The following TNPO1 variants were observed in gnomAD, a reference collection of about 807,000 sequenced individuals.
The protein encoded by TNPO1 is transportin-1.
TNPO1 carries 8 observed loss-of-function variants against 119.5 expected under a neutral mutation model. The ratio of observed to expected loss-of-function variants is 0.07; its 90% CI spans 0.04 to 0.12. The LOEUF (loss-of-function observed/expected upper bound fraction) is 0.12, where lower values mean the gene tolerates loss of function less well. Ranked by LOEUF, TNPO1 falls within the 10% of genes least tolerant of loss-of-function variation. The probability of loss-of-function intolerance (pLI) is 1.00; values close to 1 mark genes in which losing one functional copy is unlikely to be tolerated. For synonymous variants in TNPO1, 362 were observed against 363.0 expected (o/e 1.00, Z 0.03); for missense variants, 576 against 1,089.8 (o/e 0.53, Z 6.64).
intron 2 of TNPO1, among the ~76,000 whole-genome samples, chr5:72,849,412 G>A (rs1745383375): frequency 1.3e-5 from 2 of 152,190 alleles, no homozygotes; most frequent in Non-Finnish European, 1.5e-5. Context: ...AGTTAGTTAA[G>A]TCTACTATTT....
At chr5:72,816,786 C>T (rs188424030) in intron 1 of TNPO1, 34 bp downstream of exon 1, 3 of 1,573,928 alleles carry the variant, frequency 1.9e-6, no homozygotes, top group Non-Finnish European at 2.6e-6. Context: ...CCCCGAACTG[C>T]AGGGGCGGGA....
intron 4 of TNPO1, among the ~76,000 whole-genome samples, chr5:72,858,595 T>C (rs1166416330): frequency 6.6e-6 from 1 of 152,158 alleles, no homozygotes; most frequent in African/African-American, 2.4e-5. Context: ...CCCAGCACTT[T>C]GGGAGGCCAA....
At chr5:72,886,110 T>A (rs1358922994) in intron 11 of TNPO1, among the ~76,000 whole-genome samples, 5 of 152,238 alleles carry the variant, frequency 3.3e-5, no homozygotes, top group Non-Finnish European at 7.3e-5. Flanking sequence ...AGGTTTCTAA[T>A]ACATGAACTT....
chr5:72,907,160 T>C (rs1750232141), intron 24 of TNPO1, among the ~76,000 whole-genome samples: 1 of 152,128 alleles, frequency 6.6e-6, no homozygotes, highest in African/African-American at 2.4e-5. Flanking sequence ...TCAAGAGCTG[T>C]TTTCCAAAAT....
chr5:72,878,905 T>C, intron 9 of TNPO1: 1 of 513,034 alleles, frequency 1.9e-6, no homozygotes, highest in South Asian at 1.5e-5. Flanking sequence ...TCAGATTTTG[T>C]GTCCAATGGT....
At chr5:72,869,096 A>T (rs1747175281) in intron 6 of TNPO1, among the ~76,000 whole-genome samples, 1 of 152,180 alleles carries the variant, frequency 6.6e-6, no homozygotes, top group African/African-American at 2.4e-5. Context: ...ATATTAAGAT[A>T]ATTTTTCCGT....
At chr5:72,859,552 A>G (rs557121822) in intron 4 of TNPO1, among the ~76,000 whole-genome samples, 1 of 152,338 alleles carries the variant, frequency 6.6e-6, no homozygotes, top group South Asian at 2.1e-4. Context: ...ATTAACCTTA[A>G]CAATACATGT....
intron 2 of TNPO1, 78 bp from the exon 3 acceptor site, chr5:72,851,166 C>A: frequency 1.1e-6 from 1 of 890,934 alleles, no homozygotes; most frequent in African/African-American, 1.7e-5. Context: ...CAAAGAGATC[C>A]TTGATTTTTA....
intron 7 of TNPO1, among the ~76,000 whole-genome samples, chr5:72,875,021 T>A (rs949451839): frequency 1.3e-5 from 2 of 152,216 alleles, no homozygotes; most frequent in African/African-American, 4.8e-5. Context: ...GTTACTTAAC[T>A]TCTATTAATT....
chr5:72,913,905 T>C lies in TNPO1; in HGVS notation c.*5232T>C, dbSNP rs1349708649. 1.3e-5 allele frequency: 2 copies of C among 152,596 alleles called. No homozygotes were observed. The highest frequency in any genetic ancestry group is 2.9e-5 in the Non-Finnish European group (2 of 67,988). 9.5% of individuals were successfully genotyped at this position (152,596 alleles called of 1,614,324 possible). A position where few individuals can be genotyped will look rare whatever the true frequency, so the allele number is the denominator to read the frequency against. On this transcript the variant is annotated 3_prime_UTR_variant, in exon 25 of 25. Transcript: ENST00000337273. The stretch of plus-strand genomic sequence containing the variant: ...TAGATTATCATCTTGTGAGAAGAGA[T>C]GTTTAAACGTGGTAAATCACTTCAT...
intron 3 of TNPO1, among the ~76,000 whole-genome samples, chr5:72,853,137 G>A (rs1265446447): frequency 2.0e-5 from 3 of 152,196 alleles, no homozygotes; most frequent in Non-Finnish European, 4.4e-5. Flanking sequence ...GCCAGGCAAG[G>A]TGGCTCTTTC....
chr5:72,833,991 C>T (rs913729416), intron 1 of TNPO1, among the ~76,000 whole-genome samples: 1 of 152,128 alleles, frequency 6.6e-6, no homozygotes, highest in Admixed American at 6.6e-5. Context: ...ATATGAGGTG[C>T]ACCCTCCATT....
chr5:72,838,682 G>A lies in TNPO1; in HGVS notation c.16-9703G>A, dbSNP rs78277859. 6.0e-3 allele frequency among the ~76,000 whole-genome samples: 919 copies of A among 152,226 alleles called. 6 individuals are homozygous for A. Among genetic ancestry groups the A allele is most frequent in the Middle Eastern group, 0.01 (3 of 294 alleles). On this transcript the variant is annotated intron_variant, in intron 1 of 24. Coordinates refer to ENST00000337273, the MANE Select transcript of TNPO1 (RefSeq NM_002270.4). ...CATGTCATCATATAAATCAGCAAAT[G>A]TATAATCAGCGTAGAGCAGTGTTAC...
intron 8 of TNPO1, 45 bp from the exon 9 acceptor site, chr5:72,877,183 G>T: frequency 9.4e-7 from 1 of 1,059,176 alleles, no homozygotes; most frequent in East Asian, 2.5e-5. Flanking sequence ...GATACTAATG[G>T]TGTGATTTTT....
At chr5:72,857,300 G>A (rs1450549508) in intron 4 of TNPO1, among the ~76,000 whole-genome samples, 3 of 149,232 alleles carry the variant, frequency 2.0e-5, no homozygotes, top group Admixed American at 1.3e-4. Flanking sequence ...CCTGGGTGAC[G>A]AGCGAAAATC....
chr5:72,847,890 T>G (rs1385704958), intron 1 of TNPO1, among the ~76,000 whole-genome samples: 2 of 152,268 alleles, frequency 1.3e-5, no homozygotes, highest in African/African-American at 4.8e-5. Flanking sequence ...TTTTACCCTA[T>G]TTCAATCATT....
At chr5:72,845,975 A>G (rs1289078220) in intron 1 of TNPO1, among the ~76,000 whole-genome samples, 1 of 152,190 alleles carries the variant, frequency 6.6e-6, no homozygotes, top group Non-Finnish European at 1.5e-5. Flanking sequence ...CTCAGACTTT[A>G]AGTTCCCCAT....
intron 11 of TNPO1, among the ~76,000 whole-genome samples, chr5:72,885,714 A>G (rs999841897): frequency 6.8e-6 from 1 of 147,964 alleles, no homozygotes; most frequent in Non-Finnish European, 1.5e-5. Flanking sequence ...TTTCTGGCCA[A>G]TGTAATGGTT....
At chr5:72,878,054 G>A (rs986459270) in intron 9 of TNPO1, among the ~76,000 whole-genome samples, 11 of 152,012 alleles carry the variant, frequency 7.2e-5, no homozygotes, top group Non-Finnish European at 1.3e-4. Flanking sequence ...TTTCCTCCAT[G>A]TCATTAGTCT....
Sources: gnomAD v4.1 joint callset for allele counts (sites outside exome capture counted in the v4.1 genomes callset) on GRCh38, gnomAD v4.1.1 for gene constraint, MANE v1.5 for transcripts, NCBI Gene and HGNC (gene_info 2026-07-23, HGNC 2026-07-21) for gene names.